ABRAXAS1: variants seen among roughly 807,000 people sequenced by gnomAD.
ABRAXAS1 encodes the protein abraxas 1, BRCA1 A complex subunit, also known as BRCA1-A complex subunit Abraxas 1.
A neutral mutation model predicts 38.4 loss-of-function variants in ABRAXAS1; 26 were observed. The ratio of observed to expected loss-of-function variants is 0.68; its 90% confidence interval spans 0.50 to 0.94. ABRAXAS1 has a LOEUF of 0.94. Ranked by LOEUF, ABRAXAS1 falls within the 40% of genes least tolerant of loss-of-function variation. The pLI is 0.00. For missense variants in ABRAXAS1, 438 were observed against 481.9 expected (o/e 0.91, Z 0.85); for synonymous variants, 144 against 165.5 (o/e 0.87, Z 1.00).
In ABRAXAS1 at chr4:83,485,009, G is replaced by T. The variant is rs756786001; in HGVS notation, c.64C>A (p.His22Asn). 4 of 1,594,556 alleles carry T rather than the reference G, an allele frequency of 2.5e-6. No individual in the cohort carries two copies. The Admixed American group carries it at 5.1e-5, about 20-fold the overall frequency. The change falls in exon 1 of 9, where the codon CAC (histidine) becomes AAC (asparagine). Residue 22 changes from histidine (H) to asparagine (N), a missense_variant. His to Asn is a moderately conservative substitution (Grantham distance 68, BLOSUM62 1). Coordinates refer to ENST00000321945, the MANE Select transcript of ABRAXAS1 (RefSeq NM_139076.3). ...ACCGTGTCCGAGTCCGTGTTGAGGT[G>T]CTGGAAAGCGAGTGCGCCGAGCACA... The part of the protein sequence containing the change: ...GFVLGALAFQ[H>N]LNTDSDTEGF...
chr4:83,481,725 A>C (rs1723005480), intron 2 of ABRAXAS1, among the ~76,000 whole-genome samples: 1 of 152,010 alleles, frequency 6.6e-6, no homozygotes. Flanking sequence ...TATCCTTTTA[A>C]ATTATTTTAA....
chr4:83,484,012 A>G, intron 1 of ABRAXAS1: 4 of 983,038 alleles, frequency 4.1e-6, no homozygotes, highest in Non-Finnish European at 4.8e-6. Context: ...CTTTATTAGG[A>G]TTGTGCCAAA....
intron 2 of ABRAXAS1, chr4:83,478,484 G>A (rs940878081): frequency 2.9e-5 from 12 of 411,326 alleles, no homozygotes; most frequent in Admixed American, 1.3e-4. Flanking sequence ...CCCTTTTCCC[G>A]TGTTCTAATG....
At chr4:83,477,704 CG>C in intron 2 of ABRAXAS1, 2 of 611,050 alleles carry the variant, frequency 3.3e-6, no homozygotes, top group Non-Finnish European at 3.2e-6. Context: ...AAAATATAGA[CG>C]GATGTTTCAT....
intron 2 of ABRAXAS1, chr4:83,478,257 T>C: frequency 1.5e-6 from 1 of 674,248 alleles, no homozygotes; most frequent in Admixed American, 1.8e-5. Context: ...AGGGCAATCG[T>C]GGGACATGTG....
intron 3 of ABRAXAS1, among the ~76,000 whole-genome samples, chr4:83,474,901 T>A (rs1388894326): frequency 6.6e-6 from 1 of 152,152 alleles, no homozygotes; most frequent in Non-Finnish European, 1.5e-5. Context: ...ACTAGATCTG[T>A]GGTCTTGGTT....
intron 1 of ABRAXAS1, among the ~76,000 whole-genome samples, chr4:83,483,197 A>G (rs754980314): frequency 4.6e-5 from 7 of 152,062 alleles, no homozygotes; most frequent in Non-Finnish European, 8.8e-5. Flanking sequence ...CCCCAGTGGT[A>G]ATTTATCTGA....
chr4:83,472,156 TG>T, intron 4 of ABRAXAS1, 65 bp downstream of exon 4: 1 of 958,028 alleles, frequency 1.0e-6, no homozygotes, highest in Non-Finnish European at 1.6e-6. Context: ...CAAAGTACTG[TG>T]TGTTTTTAAG....
intron 2 of ABRAXAS1, chr4:83,480,392 A>G (rs1271033161): frequency 2.4e-6 from 1 of 420,894 alleles, no homozygotes; most frequent in South Asian, 1.7e-5. Flanking sequence ...CAAAATGTAT[A>G]TATACACATA....
intron 2 of ABRAXAS1, 137 bp downstream of exon 2, chr4:83,482,017 T>C: frequency 1.8e-6 from 1 of 557,552 alleles, no homozygotes. Context: ...AGTGCTGGGA[T>C]TACAGGTGTG....
rs1055840271 is a variant in ABRAXAS1 at position 83,460,311 on chromosome 4, C to T, written c.*2158G>A. On this transcript the variant is annotated 3_prime_UTR_variant, in exon 9 of 9. Transcript: ENST00000321945. ...TAGCTGGGATTACAGGCATGCACCA[C>T]CACGCCTGGCTAATTTTTGTATTTT... 6.6e-6 allele frequency: 1 copy of T among 152,268 alleles called. No homozygotes were observed. Among genetic ancestry groups the T allele is most frequent in the Non-Finnish European group, 1.5e-5 (1 of 68,196 alleles). The allele number at this position is 152,268 out of a possible 1,614,324, so 9.4% of individuals were successfully genotyped here. A position where few individuals can be genotyped will look rare whatever the true frequency, so the allele number is the denominator to read the frequency against.
At chr4:83,475,867 G>C (rs551779443) in intron 3 of ABRAXAS1, among the ~76,000 whole-genome samples, 75 of 152,294 alleles carry the variant, frequency 4.9e-4, no homozygotes, top group South Asian at 2.1e-3. Flanking sequence ...GTAGGACTAA[G>C]TGCAAGCATT....
intron 1 of ABRAXAS1, among the ~76,000 whole-genome samples, chr4:83,484,349 C>T (rs561570333): frequency 6.6e-6 from 1 of 152,296 alleles, no homozygotes; most frequent in East Asian, 1.9e-4. Flanking sequence ...TAACTACTTC[C>T]GAGCTCAACG....
intron 3 of ABRAXAS1, among the ~76,000 whole-genome samples, chr4:83,474,717 A>AAG (rs1553937253): frequency 6.8e-6 from 1 of 146,244 alleles, no homozygotes; most frequent in Admixed American, 6.6e-5. Flanking sequence ...TGTCTCAAAA[A>AAG]AAAAAAAAAA....
rs145297332 is a variant in ABRAXAS1, at chr4:83,461,280, T to C, written c.*1189A>G. On this transcript the variant is annotated 3_prime_UTR_variant, in exon 9 of 9. Coordinates refer to ENST00000321945, the MANE Select transcript of ABRAXAS1 (RefSeq NM_139076.3). ...ATACTGACTCAAACCAACCTTTGGATAGAAAAGTGTTTGAGGAGTGAGGTA... is the reference window on the plus strand; with the variant it reads ...ATACTGACTCAAACCAACCTTTGGACAGAAAAGTGTTTGAGGAGTGAGGTA... 1.3e-4 allele frequency: 155 copies of C among 1,191,686 alleles called. 2 individuals are homozygous for C. The African/African-American group carries it at 2.1e-3, about 16-fold the overall frequency. 73.8% of individuals were successfully genotyped at this position (1,191,686 alleles called of 1,614,324 possible).
At chr4:83,479,483 C>CCAAAAGG (rs957887072) in intron 2 of ABRAXAS1, 1 of 151,168 alleles carries the variant, frequency 6.6e-6, no homozygotes, top group African/African-American at 2.4e-5. Flanking sequence ...CATAAGTTTT[C>CCAAAAGG]CAAAAGGCAA....
intron 1 of ABRAXAS1, chr4:83,484,016 T>A: frequency 1.0e-6 from 1 of 983,402 alleles, no homozygotes; most frequent in Non-Finnish European, 1.2e-6. Flanking sequence ...ATTAGGATTG[T>A]GCCAAAGAGC....
chr4:83,485,081 C>T lies in ABRAXAS1; in HGVS notation c.-9G>A, dbSNP rs1560582531. 3.2e-6 allele frequency: 5 copies of T among 1,584,792 alleles called. No individual in the cohort carries two copies. Among genetic ancestry groups the T allele is most frequent in the Non-Finnish European group, 3.4e-6 (4 of 1,165,718 alleles). On this transcript the variant is annotated 5_prime_UTR_variant, in exon 1 of 9. Coordinates refer to ENST00000321945, the MANE Select transcript of ABRAXAS1 (RefSeq NM_139076.3). ...GTACTCTCCCCCTCCATGCTACCGC[C>T]GCCTCAGGCTACACAAGAGGACGAG...
chr4:83,460,740 C>T lies in ABRAXAS1; in HGVS notation c.*1729G>A. 1 of 443,934 alleles carries T rather than the reference C, an allele frequency of 2.3e-6. No individual in the cohort carries two copies. The highest frequency in any genetic ancestry group is 4.1e-6 in the Non-Finnish European group (1 of 244,082). The allele number at this position is 443,934 out of a possible 1,614,324, so 27.5% of individuals were successfully genotyped here. A position where few individuals can be genotyped will look rare whatever the true frequency, so the allele number is the denominator to read the frequency against. The stretch of plus-strand genomic sequence containing the variant: ...CCAATATGGTGAAACCCCGTTTCTA[C>T]TACAAATACAAAAAAATTATCCGGG... On this transcript the variant is annotated 3_prime_UTR_variant, in exon 9 of 9. Transcript: ENST00000321945.
Sources: allele counts gnomAD v4.1 joint callset (sites outside exome capture counted in the v4.1 genomes callset), GRCh38; gene constraint gnomAD v4.1.1; transcripts MANE v1.5; gene names NCBI Gene and HGNC (gene_info 2026-07-23, HGNC 2026-07-21).